PIK3R4: variants seen among roughly 807,000 people sequenced by gnomAD.
The protein encoded by PIK3R4 is phosphoinositide 3-kinase regulatory subunit 4.
Under a neutral mutation model 136.5 loss-of-function variants are expected in PIK3R4, and 46 were observed. That is an observed-to-expected ratio of 0.34 (90% CI 0.27 to 0.43). The LOEUF (loss-of-function observed/expected upper bound fraction) is 0.43, where lower values mean the gene tolerates loss of function less well. Ranked by LOEUF, PIK3R4 falls within the 20% of genes least tolerant of loss-of-function variation. The pLI is 1.00. For missense variants in PIK3R4, 1,331 were observed against 1,649.5 expected (o/e 0.81, Z 3.35); for synonymous variants, 557 against 566.7 (o/e 0.98, Z 0.24).
At chr3:130,681,746 A>G (rs1321187367) in intron 16 of PIK3R4, among the ~76,000 whole-genome samples, 155 bp from the exon 17 acceptor site, 1 of 152,168 alleles carries the variant, frequency 6.6e-6, no homozygotes, top group Non-Finnish European at 1.5e-5. Context: ...ATATTTACTG[A>G]GCCAGTAAAT....
intron 12 of PIK3R4, 77 bp downstream of exon 12, chr3:130,705,484 A>G: frequency 1.1e-6 from 1 of 896,940 alleles, no homozygotes; most frequent in South Asian, 1.5e-5. Context: ...CTGGTAGTTA[A>G]GTATTCATTT....
intron 1 of PIK3R4, among the ~76,000 whole-genome samples, 180 bp from the exon 2 acceptor site, chr3:130,745,444 G>T (rs964439149): frequency 6.6e-6 from 1 of 152,052 alleles, no homozygotes; most frequent in African/African-American, 2.4e-5. Flanking sequence ...TATCTAAAAA[G>T]ACCATGTTAT....
chr3:130,695,001 T>C (rs2066538354), intron 13 of PIK3R4, among the ~76,000 whole-genome samples: 1 of 152,162 alleles, frequency 6.6e-6, no homozygotes, highest in South Asian at 2.1e-4. Context: ...TACTGGACTT[T>C]GTCAAATACT....
At chr3:130,693,501 G>C (rs559953382) in intron 13 of PIK3R4, among the ~76,000 whole-genome samples, 2 of 152,182 alleles carry the variant, frequency 1.3e-5, no homozygotes, top group Non-Finnish European at 2.9e-5. Context: ...TAGTGGGTGT[G>C]AAGGAGTATC....
chr3:130,712,354 C>T (rs578031300), intron 9 of PIK3R4, among the ~76,000 whole-genome samples: 3 of 152,076 alleles, frequency 2.0e-5, no homozygotes, highest in South Asian at 4.2e-4. Context: ...TATGGTCCTT[C>T]GCTCTGTAGC....
intron 15 of PIK3R4, among the ~76,000 whole-genome samples, chr3:130,685,311 T>C (rs2066483237): frequency 1.3e-5 from 2 of 152,150 alleles, no homozygotes; most frequent in Admixed American, 1.3e-4. Flanking sequence ...GGTGATAGAT[T>C]TGTTAGTTTG....
intron 2 of PIK3R4, among the ~76,000 whole-genome samples, chr3:130,741,739 C>A (rs548399436): frequency 8.0e-4 from 122 of 152,274 alleles, no homozygotes; most frequent in Non-Finnish European, 1.5e-3. Flanking sequence ...TCTCTCTCCC[C>A]ACTAGAATGA....
intron 5 of PIK3R4, 86 bp from the exon 6 acceptor site, chr3:130,728,770 G>T: frequency 1.1e-6 from 1 of 890,356 alleles, no homozygotes; most frequent in Non-Finnish European, 1.6e-6. Context: ...GATAGTCCCA[G>T]TCTTCTTTCT....
chr3:130,740,688 C>G (rs542259024), intron 2 of PIK3R4, among the ~76,000 whole-genome samples: 39 of 152,126 alleles, frequency 2.6e-4, no homozygotes, highest in African/African-American at 9.4e-4. Context: ...CAAGATCGCG[C>G]CACTGCACTC....
At chr3:130,684,109 G>A in intron 16 of PIK3R4, 141 bp downstream of exon 16, 1 of 684,650 alleles carries the variant, frequency 1.5e-6, no homozygotes, top group Non-Finnish European at 2.5e-6. Context: ...GGTATCAATA[G>A]TGGCAACCTC....
intron 14 of PIK3R4, among the ~76,000 whole-genome samples, chr3:130,688,939 C>T (rs1305435190): frequency 6.6e-6 from 1 of 152,160 alleles, no homozygotes. Flanking sequence ...CTGTAGTCTG[C>T]TAACCCTTGG....
intron 7 of PIK3R4, among the ~76,000 whole-genome samples, chr3:130,722,768 A>C (rs1417634366): frequency 6.6e-6 from 1 of 151,794 alleles, no homozygotes; most frequent in African/African-American, 2.4e-5. Context: ...TTTAACAACA[A>C]AGTCTCGGCC....
At position 130,728,674 on chromosome 3, in the gene PIK3R4, G is replaced by T; in HGVS notation, c.1596C>A (p.Ala532=). ...CTTTCTGCTGGACCATTTCATGTAA[G>T]GCTTGGAGCTCTAAAAAAAAAAAAA... The part of the protein sequence containing the change: ...PNGNYDTELQ[A]LHEMVQQKVV... Residue 532 remains alanine, a synonymous_variant, in exon 6 of 20, where the codon GCC becomes GCA. Transcript: ENST00000356763. The T allele has an allele frequency of 6.8e-7, 1 of 1,470,844 alleles. No individual in the cohort carries two copies. The highest frequency in any genetic ancestry group is 9.1e-7 in the Non-Finnish European group (1 of 1,102,758). The allele number at this position is 1,470,844 out of a possible 1,614,324, so 91.1% of individuals were successfully genotyped here.
chr3:130,730,361 G>C lies in PIK3R4; in HGVS notation c.1532C>G (p.Pro511Arg). Residue 511 changes from proline (P) to arginine (R), a missense_variant, in exon 5 of 20, where the codon CCC (proline) becomes CGC (arginine). Pro to Arg is a moderately radical substitution (Grantham distance 103, BLOSUM62 -2). Around this residue, in one of 2 missense-constraint regions of PIK3R4, gnomAD observed 1,180 missense variants for 1,407.0 expected, o/e 0.84. Coordinates refer to ENST00000356763, the MANE Select transcript of PIK3R4 (RefSeq NM_014602.3). The stretch of plus-strand genomic sequence containing the variant: ...AACCTCATCTATTTCTTCATTATTG[G>C]GGTCATTTTCCATATTAAGATTTTT... ...QLKNLNMENDPNNEEIDEVTH... is the reference protein window; with the variant it reads ...QLKNLNMENDRNNEEIDEVTH... The C allele has an allele frequency of 2.5e-6, 4 of 1,598,958 alleles. No individual in the cohort carries two copies. Among genetic ancestry groups the C allele is most frequent in the Non-Finnish European group, 3.4e-6 (4 of 1,172,046 alleles).
chr3:130,715,292 T>C (rs915035809), intron 9 of PIK3R4, among the ~76,000 whole-genome samples: 1 of 152,030 alleles, frequency 6.6e-6, no homozygotes, highest in Admixed American at 6.5e-5. Flanking sequence ...TCCGGCTAAT[T>C]TTTGTATTTT....
chr3:130,733,157 T>C (rs77664814), intron 4 of PIK3R4, among the ~76,000 whole-genome samples: 1,756 of 152,264 alleles, frequency 0.012, 17 homozygotes, highest in Non-Finnish European at 0.016. Flanking sequence ...TCTAGCAAAA[T>C]TAATCTTTTT....
At position 130,684,266 on chromosome 3, in the gene PIK3R4, C is replaced by A. The variant is rs746885985; in HGVS notation, c.3591G>T (p.Gln1197His). The A allele has an allele frequency of 3.1e-6, 5 of 1,613,274 alleles. No homozygotes were observed. Among genetic ancestry groups the A allele is most frequent in the Non-Finnish European group, 4.2e-6 (5 of 1,179,476 alleles). The change falls in exon 16 of 20, where the codon CAG becomes CAT. Residue 1197 changes from glutamine (Q) to histidine (H), a missense_variant. Physicochemically the swap from Gln to His is conservative, Grantham distance 24. Around this residue, in one of 2 missense-constraint regions of PIK3R4, gnomAD observed 1,180 missense variants for 1,407.0 expected, o/e 0.84. Coordinates refer to ENST00000356763, the MANE Select transcript of PIK3R4 (RefSeq NM_014602.3). Reference protein sequence around the residue: ...IRRLSMHPLYQSWVIAAVQGN... With the variant: ...IRRLSMHPLYHSWVIAAVQGN... ...CCATCTTACCTGCAATCACCCAGGA[C>A]TGATACAGAGGGTGCATTGAGAGGC...
intron 13 of PIK3R4, among the ~76,000 whole-genome samples, chr3:130,702,946 A>C (rs1378835946): frequency 6.6e-6 from 1 of 152,148 alleles, no homozygotes; most frequent in Non-Finnish European, 1.5e-5. Context: ...CCATTCATTC[A>C]GCAAATCTTG....
At chr3:130,697,715 AATT>A (rs1349472906) in intron 13 of PIK3R4, among the ~76,000 whole-genome samples, 2 of 152,230 alleles carry the variant, frequency 1.3e-5, no homozygotes, top group African/African-American at 4.8e-5. Context: ...ACAGTCTTCT[AATT>A]ATCTCTTCAT....
Sources: allele counts gnomAD v4.1 joint callset (sites outside exome capture counted in the v4.1 genomes callset), GRCh38; gene constraint gnomAD v4.1.1; regional missense constraint gnomAD v4.1.1; transcripts MANE v1.5; gene names NCBI Gene and HGNC (gene_info 2026-07-23, HGNC 2026-07-21).